LAMA4: variants seen among roughly 807,000 people sequenced by gnomAD.
LAMA4 encodes the protein laminin subunit alpha 4.
LAMA4 carries 127 observed loss-of-function variants against 207.1 expected under a neutral mutation model. That is an observed-to-expected ratio of 0.61 (90% CI 0.53 to 0.71). The LOEUF is 0.71. LAMA4 is among the 30% of genes least tolerant of loss of function. The pLI, the probability that LAMA4 is intolerant of heterozygous loss-of-function variation, is 0.00. For missense variants in LAMA4, 2,093 were observed against 2,246.5 expected (o/e 0.93, Z 1.38); for synonymous variants, 761 against 816.0 (o/e 0.93, Z 1.15).
chr6:112,159,068 A>G, intron 13 of LAMA4, 188 bp from the exon 14 acceptor site: 2 of 576,740 alleles, frequency 3.5e-6, no homozygotes, highest in South Asian at 4.2e-5. Context: ...TTTCTTCTGT[A>G]TTGATTGCTT....
intron 4 of LAMA4, among the ~76,000 whole-genome samples, chr6:112,206,558 T>C (rs782773312): frequency 6.6e-6 from 1 of 152,184 alleles, no homozygotes; most frequent in African/African-American, 2.4e-5. Flanking sequence ...TGTGAGCTGA[T>C]TGGCCTAAAG....
At chr6:112,172,899 T>A in intron 11 of LAMA4, 95 bp from the exon 12 acceptor site, 2 of 922,498 alleles carry the variant, frequency 2.2e-6, no homozygotes, top group Admixed American at 2.0e-5. Flanking sequence ...TCTCAGGCCA[T>A]GCCTTCTTTA....
intron 13 of LAMA4, among the ~76,000 whole-genome samples, chr6:112,161,650 A>G (rs1363294973): frequency 1.3e-5 from 2 of 152,198 alleles, no homozygotes; most frequent in African/African-American, 4.8e-5. Flanking sequence ...CAAGTGATCA[A>G]ACAAGCAAAC....
chr6:112,151,477 A>T (rs1554335747), intron 16 of LAMA4, among the ~76,000 whole-genome samples: 1 of 152,066 alleles, frequency 6.6e-6, no homozygotes, highest in East Asian at 1.9e-4. Context: ...GAGAATTGTC[A>T]TTTTTACACA....
At chr6:112,126,856 C>A (rs1381655684) in intron 31 of LAMA4, among the ~76,000 whole-genome samples, 1 of 152,166 alleles carries the variant, frequency 6.6e-6, no homozygotes, top group Non-Finnish European at 1.5e-5. Flanking sequence ...TAGTGTGGGA[C>A]AATATGTTCT....
intron 2 of LAMA4, among the ~76,000 whole-genome samples, chr6:112,233,972 G>A (rs1392174873): frequency 1.3e-5 from 2 of 152,044 alleles, no homozygotes; most frequent in African/African-American, 2.4e-5. Context: ...AGATAATATT[G>A]GAGGCTTGCC....
chr6:112,144,799 T>G lies in LAMA4; in HGVS notation c.2488A>C (p.Ser830Arg). Reference sequence around the variant, plus strand: ...TGAGTCTTTTCATCAGTTACCTTGCTGGCAACACTTCTGGTCTGAGCAATG... The same window carrying G: ...TGAGTCTTTTCATCAGTTACCTTGCGGGCAACACTTCTGGTCTGAGCAATG... ...ELIAQTRSVA[S>R]KIQVSMMFDG... The change falls in exon 19 of 39, where the codon AGC becomes CGC. Residue 830 changes from serine (S) to arginine (R), a missense_variant. Transcript: ENST00000230538. The G allele has an allele frequency of 6.2e-7, 1 of 1,613,474 alleles. No homozygotes were observed. Among genetic ancestry groups the G allele is most frequent in the Non-Finnish European group, 8.5e-7 (1 of 1,179,996 alleles).
At chr6:112,158,600 T>C in intron 14 of LAMA4, 132 bp downstream of exon 14, 1 of 914,218 alleles carries the variant, frequency 1.1e-6, no homozygotes, top group South Asian at 1.4e-5. Flanking sequence ...AACCAACATA[T>C]CAACACATAA....
At chr6:112,121,639 CT>C (rs1778363817) in intron 32 of LAMA4, 2 of 296,396 alleles carry the variant, frequency 6.7e-6, no homozygotes, top group East Asian at 8.6e-5. Context: ...CCTTATTAAC[CT>C]TTTAGCAGTT....
Position 112,118,703 on chromosome 6 carries a change from TTGTGTGTGTGTGTGTGTA to T in LAMA4, c.4821+435_4821+452del, listed in dbSNP as rs1159279969. Among the ~76,000 whole-genome samples, 58 of 124,962 alleles carry T rather than the reference TTGTGTGTGTGTGTGTGTA, an allele frequency of 4.6e-4. No individual in the cohort carries two copies. Among genetic ancestry groups the T allele is most frequent in the African/African-American group, 1.8e-3 (58 of 32,774 alleles). The allele number at this position is 124,962 out of a possible 152,430, so 82.0% of individuals were successfully genotyped here. A position where few individuals can be genotyped will look rare whatever the true frequency, so the allele number is the denominator to read the frequency against. On this transcript the variant is annotated intron_variant, in intron 34 of 38. Coordinates refer to ENST00000230538, the MANE Select transcript of LAMA4 (RefSeq NM_001105206.3). The surrounding 1 kb of genome is among the most constrained non-coding windows in gnomAD (Gnocchi z 4.6). ...CCACATTTCCTTATACATTTACAAA[TTGTGTGTGTGTGTGTGTA>T]TGTGTGTGTGTGTGTGTGTGTGTGT...
At chr6:112,145,513 A>C (rs1779969988) in intron 18 of LAMA4, among the ~76,000 whole-genome samples, 1 of 152,256 alleles carries the variant, frequency 6.6e-6, no homozygotes, top group Non-Finnish European at 1.5e-5. Context: ...CCGACTGCTC[A>C]GCTGTGTGTG....
chr6:112,189,211 G>A lies in LAMA4; in HGVS notation c.719-6C>T, dbSNP rs1782872598. On this transcript the variant is annotated splice_polypyrimidine_tract_variant and splice_region_variant and intron_variant, in intron 6 of 38. Transcript: ENST00000230538. ...GCCTCCCCCGCAGTTGCACACTGTG[G>A]GAAACAAAAACAAGAGACGAGAAAT... 4.4e-6 allele frequency: 7 copies of A among 1,609,064 alleles called. No homozygotes were observed. In the Admixed American group the frequency reaches 5.0e-5, roughly 11 times the overall value.
chr6:112,246,217 T>C (rs1786911126), intron 2 of LAMA4, among the ~76,000 whole-genome samples: 1 of 152,202 alleles, frequency 6.6e-6, no homozygotes, highest in South Asian at 2.1e-4. Flanking sequence ...TAAATATTCT[T>C]CTGTATGGTC....
intron 3 of LAMA4, chr6:112,213,681 T>C: frequency 4.6e-6 from 1 of 218,390 alleles, no homozygotes; most frequent in Non-Finnish European, 8.9e-6. Flanking sequence ...CTATATTTTG[T>C]GGCTGAATGG....
chr6:112,110,384 A>G (rs1242121345), intron 38 of LAMA4, among the ~76,000 whole-genome samples: 1 of 152,256 alleles, frequency 6.6e-6, no homozygotes, highest in Non-Finnish European at 1.5e-5. Flanking sequence ...AGTAGCAGAT[A>G]AAGGATGGAA....
intron 17 of LAMA4, among the ~76,000 whole-genome samples, chr6:112,149,713 G>A (rs573174880): frequency 2.0e-5 from 3 of 152,280 alleles, no homozygotes; most frequent in African/African-American, 7.2e-5. Context: ...ATACAGCTAT[G>A]TTGAACACTT....
At chr6:112,192,805 C>T (rs1474997804) in intron 5 of LAMA4, among the ~76,000 whole-genome samples, 1 of 152,208 alleles carries the variant, frequency 6.6e-6, no homozygotes, top group Non-Finnish European at 1.5e-5. Flanking sequence ...AGAGGCCCTG[C>T]TGTGAGTGGT....
At chr6:112,155,482 A>G (rs908555527) in intron 15 of LAMA4, 83 bp downstream of exon 15, 102 of 1,481,978 alleles carry the variant, frequency 6.9e-5, no homozygotes, top group Non-Finnish European at 8.9e-5. Context: ...TGGATTTCAC[A>G]CTGGAAGTTC....
intron 19 of LAMA4, among the ~76,000 whole-genome samples, chr6:112,144,518 CT>C (rs1554334010): frequency 6.6e-6 from 1 of 152,178 alleles, no homozygotes; most frequent in Non-Finnish European, 1.5e-5. Context: ...GTTTTTAAAC[CT>C]GGCTACACAT....
Sources: allele counts gnomAD v4.1 joint callset (sites outside exome capture counted in the v4.1 genomes callset), GRCh38; gene constraint gnomAD v4.1.1; non-coding constraint Gnocchi (gnomAD v3.1); transcripts MANE v1.5; gene names NCBI Gene and HGNC (gene_info 2026-07-23, HGNC 2026-07-21).